SCRG1: variants seen among roughly 807,000 people sequenced by gnomAD.
The protein encoded by SCRG1 is scrapie-responsive protein 1.
In SCRG1, 3 loss-of-function variants were observed where a neutral mutation model predicts 7.7. The observed-to-expected ratio is 0.39, with a 90% confidence interval of 0.18 to 1.01. SCRG1 has a LOEUF of 1.01. Among genes scored for constraint, SCRG1 ranks in the 50% least tolerant of loss-of-function variants. SCRG1 has a pLI of 0.36. For missense variants in SCRG1, 110 were observed against 117.2 expected (o/e 0.94, Z 0.28); for synonymous variants, 46 against 41.2 (o/e 1.12, Z -0.44).
chr4:173,486,250 T>G, the SCRG1 span, among the ~76,000 whole-genome samples: 1 of 152,152 alleles, frequency 6.6e-6, no homozygotes, highest in Non-Finnish European at 1.5e-5. Flanking sequence ...CTATTTACAT[T>G]TTGGTTTGTT....
chr4:173,499,806 T>C, the SCRG1 span, among the ~76,000 whole-genome samples: 32 of 151,894 alleles, frequency 2.1e-4, no homozygotes, highest in Non-Finnish European at 4.1e-4. This position sits in a 1 kb window ranked among gnomAD's most constrained non-coding sequence, Gnocchi z 4.1. Flanking sequence ...GAAAAAAAAG[T>C]GGGGGGCAGG....
exon 3 of SCRG1, chr4:173,404,118 A>C (rs748710000): frequency 6.6e-6 from 1 of 152,240 alleles, no homozygotes; most frequent in African/African-American, 2.4e-5. Context: ...AAAAAAATTA[A>C]GCACTTGGCC....
the SCRG1 span, among the ~76,000 whole-genome samples, chr4:173,484,128 T>TAATATATAATATATAATATAC: frequency 3.7e-5 from 3 of 80,402 alleles, no homozygotes; most frequent in East Asian, 3.8e-4. Flanking sequence ...ATACAATATA[T>TAATATATAATATATAATATAC]AATATATAAT....
the SCRG1 span, among the ~76,000 whole-genome samples, chr4:173,484,436 CATATGATATATAATATAT>C: frequency 4.0e-5 from 2 of 50,592 alleles, no homozygotes; most frequent in African/African-American, 8.4e-5. Flanking sequence ...ATATTATATA[CATATGATATATAATATAT>C]ATTATATACA....
chr4:173,394,198 C>G (rs1258888942), intron 1 of SCRG1, among the ~76,000 whole-genome samples: 1 of 151,888 alleles, frequency 6.6e-6, no homozygotes, highest in African/African-American at 2.4e-5. Context: ...TGGTGCTTTT[C>G]CCCCCTGCCT....
At chr4:173,451,634 T>TTTA in the SCRG1 span, among the ~76,000 whole-genome samples, 6 of 21,228 alleles carry the variant, frequency 2.8e-4, no homozygotes, top group African/African-American at 4.5e-4. Flanking sequence ...TACTTACTTA[T>TTTA]TTTATTTATT....
chr4:173,506,822 G>A, the SCRG1 span, among the ~76,000 whole-genome samples: 1 of 152,224 alleles, frequency 6.6e-6, no homozygotes, highest in Admixed American at 6.5e-5. This position sits in a 1 kb window ranked among gnomAD's most constrained non-coding sequence, Gnocchi z 5.3. Flanking sequence ...GTCCAGTCCA[G>A]GGTAACTGGG....
chr4:173,509,675 G>C, the SCRG1 span, among the ~76,000 whole-genome samples: 1 of 152,048 alleles, frequency 6.6e-6, no homozygotes, highest in South Asian at 2.1e-4. This position sits in a 1 kb window ranked among gnomAD's most constrained non-coding sequence, Gnocchi z 5.7. Flanking sequence ...GGCTGCAGCC[G>C]GGAGCGCGGA....
the SCRG1 span, among the ~76,000 whole-genome samples, chr4:173,497,978 C>T: frequency 6.6e-6 from 1 of 152,196 alleles, no homozygotes; most frequent in Non-Finnish European, 1.5e-5. Flanking sequence ...CTGCACCCAG[C>T]CTACCTTACT....
the SCRG1 span, among the ~76,000 whole-genome samples, chr4:173,467,433 T>G: frequency 1.3e-5 from 2 of 152,178 alleles, no homozygotes; most frequent in East Asian, 3.9e-4. Context: ...CAGTCATCCT[T>G]AGCATCTAAC....
At chr4:173,442,356 T>G in the SCRG1 span, among the ~76,000 whole-genome samples, 65,778 of 151,902 alleles carry the variant, frequency 0.43, 16,668 homozygotes, top group Non-Finnish European at 0.57. Flanking sequence ...ATGGCTTGAG[T>G]GAGAGTCACT....
chr4:173,432,000 G>T, the SCRG1 span, among the ~76,000 whole-genome samples: 76 of 152,314 alleles, frequency 5.0e-4, no homozygotes, highest in African/African-American at 1.7e-3. Context: ...GAAACTTCCA[G>T]ATTTCCAGAT....
At chr4:173,461,307 G>A in the SCRG1 span, among the ~76,000 whole-genome samples, 1 of 152,220 alleles carries the variant, frequency 6.6e-6, no homozygotes. Flanking sequence ...AGTCATAATG[G>A]TTGTGGTCAC....
chr4:173,512,064 G>C, the SCRG1 span, among the ~76,000 whole-genome samples: 1 of 152,210 alleles, frequency 6.6e-6, no homozygotes, highest in East Asian at 1.9e-4. Flanking sequence ...TGGTAAAATC[G>C]TCCAAGAGGC....
the SCRG1 span, among the ~76,000 whole-genome samples, chr4:173,460,773 G>A: frequency 1.3e-5 from 2 of 152,166 alleles, no homozygotes; most frequent in Non-Finnish European, 2.9e-5. Flanking sequence ...TAGGGTCCAC[G>A]ATTCCAGGAC....
chr4:173,390,810 A>G (rs1739414320), intron 2 of SCRG1, among the ~76,000 whole-genome samples: 1 of 151,992 alleles, frequency 6.6e-6, no homozygotes. Flanking sequence ...TTTTATCTAA[A>G]ACCTTTTACT....
chr4:173,488,943 A>C, the SCRG1 span, among the ~76,000 whole-genome samples: 1 of 152,216 alleles, frequency 6.6e-6, no homozygotes, highest in Admixed American at 6.5e-5. Flanking sequence ...AATGAAAAAG[A>C]GTGCTTGACA....
At chr4:173,458,051 T>C in the SCRG1 span, among the ~76,000 whole-genome samples, 1 of 152,170 alleles carries the variant, frequency 6.6e-6, no homozygotes, top group Admixed American at 6.5e-5. Context: ...GGGCTATGAA[T>C]GGAATGCCCT....
At chr4:173,500,607 G>A in the SCRG1 span, among the ~76,000 whole-genome samples, 1 of 152,120 alleles carries the variant, frequency 6.6e-6, no homozygotes, top group South Asian at 2.1e-4. Context: ...AGCTTTCGGA[G>A]TAGCTTGGAC....
Sources: gnomAD v4.1 joint callset for allele counts (sites outside exome capture counted in the v4.1 genomes callset) on GRCh38, gnomAD v4.1.1 for gene constraint, Gnocchi (gnomAD v3.1) non-coding constraint, MANE v1.5 for transcripts, NCBI Gene and HGNC (gene_info 2026-07-23, HGNC 2026-07-21) for gene names.